Variants in DNAJC2 observed in about 807,000 individuals in gnomAD.
DNAJC2 encodes dnaJ homolog subfamily C member 2.
In DNAJC2, 32 loss-of-function variants were observed where a neutral mutation model predicts 94.0. The ratio of observed to expected loss-of-function variants is 0.34; its 90% CI spans 0.26 to 0.46. The LOEUF (loss-of-function observed/expected upper bound fraction) is 0.46, where lower values mean the gene tolerates loss of function less well. Ranked by LOEUF, DNAJC2 falls within the 20% of genes least tolerant of loss-of-function variation. The pLI, the probability that DNAJC2 is intolerant of heterozygous loss-of-function variation, is 1.00. For missense variants in DNAJC2, 550 were observed against 719.5 expected (o/e 0.76, Z 2.69); for synonymous variants, 210 against 229.7 (o/e 0.91, Z 0.77).
intron 1 of DNAJC2, among the ~76,000 whole-genome samples, chr7:103,342,272 A>G (rs1819400344): frequency 6.6e-6 from 1 of 152,064 alleles, no homozygotes; most frequent in African/African-American, 2.4e-5. Flanking sequence ...AATGTTGCAA[A>G]CTACTTTACT....
intron 12 of DNAJC2, among the ~76,000 whole-genome samples, chr7:103,318,512 T>C (rs576630971): frequency 6.6e-6 from 1 of 152,320 alleles, no homozygotes; most frequent in East Asian, 1.9e-4. Flanking sequence ...TGGCCCTTCC[T>C]ATCCTACACC....
rs539752909 is a variant in DNAJC2, at chr7:103,329,260, T to C, written c.332-1506A>G. The C allele has an allele frequency of 8.8e-4, 182 of 206,606 alleles. 1 individual carries two copies. Among genetic ancestry groups the C allele is most frequent in the African/African-American group, 4.1e-3 (174 of 42,196 alleles). The allele number at this position is 206,606 out of a possible 1,614,324, so 12.8% of individuals were successfully genotyped here. On this transcript the variant is annotated intron_variant, in intron 3 of 16. Transcript: ENST00000379263. ...CTTCTCCATGATCCTATGAGGAAAG[T>C]GCTATTGCTGTCTCCATTTCATAGA...
At chr7:103,330,200 A>G (rs974286786) in intron 3 of DNAJC2, among the ~76,000 whole-genome samples, 3 of 152,228 alleles carry the variant, frequency 2.0e-5, no homozygotes, top group Non-Finnish European at 4.4e-5. Context: ...CTATATTAAT[A>G]TACTTCCTAA....
chr7:103,324,588 A>G (rs1818600355), intron 5 of DNAJC2, 26 bp from the exon 6 acceptor site: 2 of 1,425,050 alleles, frequency 1.4e-6, no homozygotes, highest in Non-Finnish European at 1.9e-6. Context: ...AAATATTCTT[A>G]CAATTCTTCA....
At chr7:103,317,045 A>G (rs770243930) in intron 12 of DNAJC2, 31 bp from the exon 13 acceptor site, 8 of 1,570,844 alleles carry the variant, frequency 5.1e-6, no homozygotes, top group Non-Finnish European at 6.1e-6. Context: ...AGGGACTTAG[A>G]AGTATACTGT....
At chr7:103,318,364 T>C (rs954994450) in intron 12 of DNAJC2, among the ~76,000 whole-genome samples, 1 of 152,166 alleles carries the variant, frequency 6.6e-6, no homozygotes, top group Admixed American at 6.5e-5. Context: ...TTTGTTTATG[T>C]TGCCCAGGCT....
At chr7:103,319,220 T>G (rs1200930205) in intron 12 of DNAJC2, among the ~76,000 whole-genome samples, 2 of 152,088 alleles carry the variant, frequency 1.3e-5, no homozygotes, top group Non-Finnish European at 2.9e-5. Flanking sequence ...GGGCAGATCA[T>G]GAGGTCAAGA....
rs2115874069 is a variant in DNAJC2, at chr7:103,321,960, T to G, written c.1055A>C (p.Glu352Ala). The G allele has an allele frequency of 6.2e-7, 1 of 1,613,612 alleles. No individual in the cohort carries two copies. Among genetic ancestry groups the G allele is most frequent in the Non-Finnish European group, 8.5e-7 (1 of 1,179,654 alleles). The part of the protein sequence containing the change: ...KDIQKKAIKK[E>A]RQKLRNSCKT... ...GCATGAGTTTCGAAGTTTTTGCCTT[T>G]CCTTCTTAATGGCTTTTTTCTGGAT... Residue 352 changes from glutamate (E) to alanine (A), a missense_variant, in exon 10 of 17, where the codon GAA becomes GCA. Glu to Ala is a moderately radical substitution (Grantham distance 107). Transcript: ENST00000379263.
At chr7:103,336,855 G>A (rs1287542161) in intron 3 of DNAJC2, 1 of 152,174 alleles carries the variant, frequency 6.6e-6, no homozygotes, top group East Asian at 1.9e-4. Context: ...TTTCCTAAAT[G>A]TAAGCAGTAA....
At chr7:103,327,020 T>A (rs1029058532) in intron 4 of DNAJC2, among the ~76,000 whole-genome samples, 1 of 152,214 alleles carries the variant, frequency 6.6e-6, no homozygotes, top group African/African-American at 2.4e-5. Flanking sequence ...ATCTTAGGCT[T>A]CTGGAGCACT....
chr7:103,331,467 T>C lies in DNAJC2; in HGVS notation c.332-3713A>G, dbSNP rs892142610. Among the ~76,000 whole-genome samples, 37 of 152,178 alleles carry C rather than the reference T, an allele frequency of 2.4e-4. 1 individual carries two copies. Among genetic ancestry groups the C allele is most frequent in the Admixed American group, 2.2e-3 (34 of 15,282 alleles). ...AACACTGGGACTTATTCCTTCTAAT[T>C]GTATGTTTGTATCCATTGACCAACC... is the stretch of plus-strand genomic sequence containing the variant. On this transcript the variant is annotated intron_variant, in intron 3 of 16. Transcript: ENST00000379263.
chr7:103,317,230 G>C, intron 12 of DNAJC2: 1 of 504,332 alleles, frequency 2.0e-6, no homozygotes. Flanking sequence ...CCCACAGCCT[G>C]CCTGATTTTC....
Position 103,326,604 on chromosome 7 carries a change from T to TA in DNAJC2, c.510dup (p.Lys171Ter). 1 of 1,613,082 alleles carries TA rather than the reference T, an allele frequency of 6.2e-7. No homozygotes were observed. Among genetic ancestry groups the TA allele is most frequent in the Non-Finnish European group, 8.5e-7 (1 of 1,179,448 alleles). Reference sequence around the variant, plus strand: ...AAGAAATTATCCTTTGCTTCACTTTTAGAAGGAACTGAGTTATCAAAAGTA... The same window carrying TA: ...AAGAAATTATCCTTTGCTTCACTTTTAAGAAGGAACTGAGTTATCAAAAGTA... On this transcript the variant is annotated frameshift_variant, in exon 5 of 17. Transcript: ENST00000379263. LOFTEE classifies it high-confidence loss of function.
At chr7:103,317,960 TTAAA>T (rs56051393) in intron 12 of DNAJC2, among the ~76,000 whole-genome samples, 150,383 of 152,224 alleles carry the variant, frequency 0.99, 74,312 homozygotes, top group African/African-American at 1. Flanking sequence ...GTGCAGATTC[TTAAA>T]TAAATAAGAT....
chr7:103,322,566 G>C lies in DNAJC2; in HGVS notation c.878C>G (p.Ala293Gly). ...AGCTTCTGCTTTTGCTTTCTTTTCT[G>C]CTTCTTTCTTGGCTTTTTCTTCTTC... Reference protein sequence around the residue: ...FKEEEKAKKEAEKKAKAEAKR... With the variant: ...FKEEEKAKKEGEKKAKAEAKR... Residue 293 changes from alanine to glycine, a missense_variant, in exon 9 of 17, where the codon GCA (alanine) becomes GGA (glycine). Around this residue, in one of 2 missense-constraint regions of DNAJC2, gnomAD observed 279 missense variants for 416.9 expected, o/e 0.67. Transcript: ENST00000379263. 6.3e-7 allele frequency: 1 copy of C among 1,591,496 alleles called. No individual in the cohort carries two copies. Among genetic ancestry groups the C allele is most frequent in the Non-Finnish European group, 8.6e-7 (1 of 1,162,824 alleles).
At position 103,321,984 on chromosome 7, in the gene DNAJC2, A is replaced by G. The variant is rs751214764; in HGVS notation, c.1031T>C (p.Ile344Thr). 16 of 1,613,792 alleles carry G rather than the reference A, an allele frequency of 9.9e-6. No homozygotes were observed. Among genetic ancestry groups the G allele is most frequent in the Middle Eastern group, 1.6e-4 (1 of 6,062 alleles). The change falls in exon 10 of 17, where the codon ATC becomes ACC. Residue 344 changes from isoleucine to threonine, a missense_variant. Ile to Thr is a moderately conservative substitution (Grantham distance 89). Coordinates refer to ENST00000379263, the MANE Select transcript of DNAJC2 (RefSeq NM_014377.3). ...QALLAKKEKDIQKKAIKKERQ... is the reference protein window; with the variant it reads ...QALLAKKEKDTQKKAIKKERQ... Reference sequence around the variant, plus strand: ...TTCCTTCTTAATGGCTTTTTTCTGGATATCTTTTTCCTTCTTTGCCAGCAA... The same window carrying G: ...TTCCTTCTTAATGGCTTTTTTCTGGGTATCTTTTTCCTTCTTTGCCAGCAA...
intron 2 of DNAJC2, among the ~76,000 whole-genome samples, chr7:103,341,150 T>C (rs1054420463): frequency 4.6e-5 from 7 of 152,230 alleles, no homozygotes; most frequent in African/African-American, 1.7e-4. Context: ...GTCACAGGTC[T>C]GCCTTAGTGC....
chr7:103,322,276 CATATT>C (rs1373170241), intron 9 of DNAJC2, among the ~76,000 whole-genome samples, 195 bp from the exon 10 acceptor site: 1 of 152,070 alleles, frequency 6.6e-6, no homozygotes, highest in Admixed American at 6.6e-5. Flanking sequence ...GTAAAATTGA[CATATT>C]AGAAATAAGC....
At chr7:103,325,522 C>T (rs1818660303) in intron 5 of DNAJC2, among the ~76,000 whole-genome samples, 1 of 151,704 alleles carries the variant, frequency 6.6e-6, no homozygotes, top group Non-Finnish European at 1.5e-5. Flanking sequence ...GGCGCCAAAC[C>T]GCTAATCAAA....
Sources: gnomAD v4.1 joint callset for allele counts (sites outside exome capture counted in the v4.1 genomes callset) on GRCh38, gnomAD v4.1.1 for gene constraint, gnomAD v4.1.1 regional missense constraint, MANE v1.5 for transcripts, NCBI Gene and HGNC (gene_info 2026-07-23, HGNC 2026-07-21) for gene names.